Variants in PLCB1 observed in about 807,000 individuals in gnomAD.
PLCB1 encodes the protein phospholipase C beta 1.
PLCB1 carries 46 observed loss-of-function variants against 161.8 expected under a neutral mutation model. The ratio of observed to expected loss-of-function variants is 0.28; its 90% CI spans 0.22 to 0.36. PLCB1 has a LOEUF of 0.36. PLCB1 is among the 10% of genes least tolerant of loss of function. The pLI, the probability that PLCB1 is intolerant of heterozygous loss-of-function variation, is 1.00. For missense variants in PLCB1, 1,016 were observed against 1,472.5 expected (o/e 0.69, Z 5.07); for synonymous variants, 517 against 503.7 (o/e 1.03, Z -0.35).
chr20:8,765,068 G>C, intron 25 of PLCB1, 71 bp from the exon 26 acceptor site: 1 of 1,178,450 alleles, frequency 8.5e-7, no homozygotes, highest in Non-Finnish European at 1.2e-6. Flanking sequence ...TCCTAAGAAG[G>C]TAGCCGCTCT....
intron 3 of PLCB1, among the ~76,000 whole-genome samples, chr20:8,551,965 C>A (rs950912280): frequency 2.0e-5 from 3 of 152,184 alleles, no homozygotes; most frequent in Non-Finnish European, 2.9e-5. Context: ...GCTGTGGTTA[C>A]AATGAGATTT....
At chr20:8,459,174 A>C (rs538942486) in intron 3 of PLCB1, among the ~76,000 whole-genome samples, 3 of 152,344 alleles carry the variant, frequency 2.0e-5, no homozygotes, top group Admixed American at 2.0e-4. Context: ...CTAAATTTAC[A>C]GAAATCTGTC....
chr20:8,807,186 A>G (rs1241082527), intron 31 of PLCB1, among the ~76,000 whole-genome samples: 3 of 152,196 alleles, frequency 2.0e-5, no homozygotes, highest in Non-Finnish European at 4.4e-5. Flanking sequence ...CTGAAATAAT[A>G]GTTATGAGAT....
intron 25 of PLCB1, among the ~76,000 whole-genome samples, chr20:8,761,795 C>T (rs6086584): frequency 0.56 from 85,109 of 150,694 alleles, 24,601 homozygotes; most frequent in South Asian, 0.7. Context: ...TGATTCGCCA[C>T]GTTGGCCAGG....
At chr20:8,466,546 G>A (rs905998547) in intron 3 of PLCB1, among the ~76,000 whole-genome samples, 16 of 151,936 alleles carry the variant, frequency 1.1e-4, no homozygotes, top group African/African-American at 3.9e-4. Context: ...AAACACACAT[G>A]GCAGCTCTTT....
chr20:8,140,784 C>A (rs6055564), intron 1 of PLCB1, among the ~76,000 whole-genome samples: 76,616 of 151,776 alleles, frequency 0.5, 21,044 homozygotes, highest in African/African-American at 0.72. Context: ...ACAACAACAA[C>A]AAAAAACTTT....
chr20:8,435,439 C>T (rs6118195), intron 3 of PLCB1, among the ~76,000 whole-genome samples: 4 of 152,142 alleles, frequency 2.6e-5, no homozygotes, highest in African/African-American at 9.7e-5. Context: ...CTGGGTGAGC[C>T]TGACTTAATT....
intron 2 of PLCB1, among the ~76,000 whole-genome samples, chr20:8,318,839 A>G (rs1483193521): frequency 6.6e-6 from 1 of 152,190 alleles, no homozygotes; most frequent in Non-Finnish European, 1.5e-5. Context: ...GTCAGAGAAT[A>G]AAATCCTTAA....
intron 3 of PLCB1, among the ~76,000 whole-genome samples, chr20:8,486,248 C>T (rs1982716361): frequency 6.6e-6 from 1 of 152,092 alleles, no homozygotes; most frequent in African/African-American, 2.4e-5. Flanking sequence ...GAGGGATACA[C>T]TGAGATACAA....
chr20:8,314,154 A>G (rs981858046), intron 2 of PLCB1, among the ~76,000 whole-genome samples: 2 of 152,256 alleles, frequency 1.3e-5, no homozygotes, highest in East Asian at 1.9e-4. Flanking sequence ...TCTTCAGTCC[A>G]TTAGTAACAG....
At chr20:8,413,718 G>A (rs901699602) in intron 3 of PLCB1, among the ~76,000 whole-genome samples, 1 of 152,078 alleles carries the variant, frequency 6.6e-6, no homozygotes, top group Non-Finnish European at 1.5e-5. Flanking sequence ...CTTTATTTGC[G>A]GTATGGGAAA....
intron 2 of PLCB1, among the ~76,000 whole-genome samples, chr20:8,259,786 A>G (rs1221753462): frequency 1.3e-5 from 2 of 152,162 alleles, no homozygotes; most frequent in Non-Finnish European, 1.5e-5. Flanking sequence ...AGTACATTGC[A>G]TTTCATCAAT....
At chr20:8,608,666 T>A (rs1987822873) in intron 3 of PLCB1, among the ~76,000 whole-genome samples, 1 of 152,200 alleles carries the variant, frequency 6.6e-6, no homozygotes, top group African/African-American at 2.4e-5. Flanking sequence ...GTTTCATAAA[T>A]GTGTTTTGTG....
chr20:8,258,693 A>G (rs1981544180), intron 2 of PLCB1, among the ~76,000 whole-genome samples: 1 of 152,140 alleles, frequency 6.6e-6, no homozygotes, highest in African/African-American at 2.4e-5. Flanking sequence ...ATTGGCGATA[A>G]TTTCACTCTT....
intron 2 of PLCB1, among the ~76,000 whole-genome samples, chr20:8,155,472 A>G (rs1486343314): frequency 1.3e-5 from 2 of 152,218 alleles, no homozygotes; most frequent in Non-Finnish European, 2.9e-5. Flanking sequence ...GTTCAAAAGC[A>G]AAGTTTAAAA....
chr20:8,578,033 A>G (rs1013388459), intron 3 of PLCB1, among the ~76,000 whole-genome samples: 1 of 152,194 alleles, frequency 6.6e-6, no homozygotes, highest in Admixed American at 6.5e-5. Context: ...TCTCTGTTCT[A>G]ATAAAACTTA....
chr20:8,238,865 C>CGG (rs369690045), intron 2 of PLCB1, among the ~76,000 whole-genome samples: 57 of 149,930 alleles, frequency 3.8e-4, no homozygotes, highest in African/African-American at 9.8e-4. Flanking sequence ...AAATGGGTGG[C>CGG]TGGGGGGAAG....
At chr20:8,824,077 A>G (rs1396428810) in intron 31 of PLCB1, among the ~76,000 whole-genome samples, 1 of 152,058 alleles carries the variant, frequency 6.6e-6, no homozygotes, top group Non-Finnish European at 1.5e-5. Context: ...TCCAGCATTC[A>G]GACTGTCCAT....
chr20:8,156,316 G>T (rs2051561513), intron 2 of PLCB1, among the ~76,000 whole-genome samples: 1 of 152,108 alleles, frequency 6.6e-6, no homozygotes, highest in African/African-American at 2.4e-5. Context: ...GTGGGATTAA[G>T]CCCAGTTACC....
Sources: allele counts gnomAD v4.1 joint callset (sites outside exome capture counted in the v4.1 genomes callset), GRCh38; gene constraint gnomAD v4.1.1; transcripts MANE v1.5; gene names NCBI Gene and HGNC (gene_info 2026-07-23, HGNC 2026-07-21).